Variants in TBC1D22A observed in about 807,000 individuals in gnomAD.
TBC1D22A encodes putative GTPase activator.
In TBC1D22A, 38 loss-of-function variants were observed where a neutral mutation model predicts 60.2. The observed-to-expected ratio is 0.63, with a 90% confidence interval of 0.49 to 0.83. The LOEUF (loss-of-function observed/expected upper bound fraction) is 0.83, where lower values mean the gene tolerates loss of function less well. Among genes scored for constraint, TBC1D22A ranks in the 40% least tolerant of loss-of-function variants. The pLI is 0.00. For synonymous variants in TBC1D22A, 302 were observed against 281.7 expected, an observed-to-expected ratio of 1.07 and a Z score of -0.72; for missense variants, 628 against 701.0, an observed-to-expected ratio of 0.90 and a Z score of 1.18.
At chr22:46,962,664 G>GCAGCATC (rs1364592817) in intron 8 of TBC1D22A, among the ~76,000 whole-genome samples, 1 of 152,178 alleles carries the variant, frequency 6.6e-6, no homozygotes, top group African/African-American at 2.4e-5. Flanking sequence ...AGATAATTAT[G>GCAGCATC]CAGCATCCTG....
At chr22:47,030,407 T>C (rs2148371512) in intron 10 of TBC1D22A, among the ~76,000 whole-genome samples, 1 of 152,354 alleles carries the variant, frequency 6.6e-6, no homozygotes, top group South Asian at 2.1e-4. Context: ...CACAATGTGC[T>C]TGCATAATTT....
At chr22:47,080,106 A>G (rs1424773731) in intron 11 of TBC1D22A, among the ~76,000 whole-genome samples, 1 of 152,206 alleles carries the variant, frequency 6.6e-6, no homozygotes, top group African/African-American at 2.4e-5. Context: ...ATGTGTTAAC[A>G]GGACTTCTAA....
At chr22:46,900,826 C>T (rs2068952941) in intron 7 of TBC1D22A, among the ~76,000 whole-genome samples, 1 of 152,098 alleles carries the variant, frequency 6.6e-6, no homozygotes, top group Non-Finnish European at 1.5e-5. Flanking sequence ...AATTTTTGCC[C>T]ATTACAAAAT....
At chr22:46,904,138 TCTATCTACCTACCTACCTACCTAC>T (rs913488912) in intron 7 of TBC1D22A, among the ~76,000 whole-genome samples, 5 of 55,262 alleles carry the variant, frequency 9.0e-5, no homozygotes, top group South Asian at 6.0e-4. Context: ...TATCTATCTA[TCTATCTACCTACCTACCTACCTAC>T]CTACCTACCT....
chr22:46,930,016 T>A (rs1436471548), intron 8 of TBC1D22A, among the ~76,000 whole-genome samples: 1 of 152,166 alleles, frequency 6.6e-6, no homozygotes. Context: ...AAGTCCCTGA[T>A]GTACTTTATG....
At chr22:46,792,686 A>G in intron 2 of TBC1D22A, 110 bp downstream of exon 2, 1 of 1,605,092 alleles carries the variant, frequency 6.2e-7, no homozygotes, top group South Asian at 1.1e-5. Context: ...CAGGGAGGAG[A>G]CTGGTTTCTC....
At position 46,875,149 on chromosome 22, in the gene TBC1D22A, C is replaced by T. The variant is rs142525889; in HGVS notation, c.638-3504C>T. Among the ~76,000 whole-genome samples, 23 of 152,274 alleles carry T rather than the reference C, an allele frequency of 1.5e-4. No individual in the cohort carries two copies. The East Asian group carries it at 4.1e-3, about 27-fold the overall frequency. Reference sequence around the variant, plus strand: ...CTATTTATGGTAAAAATCAGTGACACAGAAGTCTAAGAATGGGTGAATGTG... The same window carrying T: ...CTATTTATGGTAAAAATCAGTGACATAGAAGTCTAAGAATGGGTGAATGTG... On this transcript the variant is annotated intron_variant, in intron 4 of 12. Coordinates refer to ENST00000337137, the MANE Select transcript of TBC1D22A (RefSeq NM_014346.5).
chr22:46,908,877 C>G (rs762222350), intron 7 of TBC1D22A, among the ~76,000 whole-genome samples: 1 of 152,298 alleles, frequency 6.6e-6, no homozygotes, highest in Non-Finnish European at 1.5e-5. Context: ...TTCCATGTCT[C>G]TCCCGAGGCT....
At chr22:47,133,496 A>AT (rs1420102740) in intron 12 of TBC1D22A, among the ~76,000 whole-genome samples, 1 of 152,062 alleles carries the variant, frequency 6.6e-6, no homozygotes, top group East Asian at 1.9e-4. Context: ...GCTGGTTTTG[A>AT]TTTTCACTCC....
rs748151821 is a variant in TBC1D22A at position 46,842,480 on chromosome 22, C to T, written c.638-36173C>T. Among the ~76,000 whole-genome samples the T allele has an allele frequency of 4.6e-5, 7 of 152,334 alleles. No homozygotes were observed. In the East Asian group the frequency reaches 5.8e-4, roughly 13 times the overall value. ...GTCTCTGTCTGTCCATCCATCATTC[C>T]GTCTCTTCTTTTTGGATGCATCTCA... On this transcript the variant is annotated intron_variant, in intron 4 of 12. Coordinates refer to ENST00000337137, the MANE Select transcript of TBC1D22A (RefSeq NM_014346.5).
intron 12 of TBC1D22A, among the ~76,000 whole-genome samples, chr22:47,145,697 T>C (rs557781525): frequency 6.6e-6 from 1 of 152,362 alleles, no homozygotes; most frequent in African/African-American, 2.4e-5. Flanking sequence ...CATAGTTTGT[T>C]CTGATTTTTT....
chr22:47,096,348 C>T (rs1333461887), intron 11 of TBC1D22A, among the ~76,000 whole-genome samples: 2 of 152,146 alleles, frequency 1.3e-5, no homozygotes, highest in Non-Finnish European at 1.5e-5. Context: ...GATTTTTTCT[C>T]TTGTGGATTC....
intron 10 of TBC1D22A, among the ~76,000 whole-genome samples, chr22:47,003,957 G>A (rs367557386): frequency 0.027 from 2,011 of 74,640 alleles, 26 homozygotes; most frequent in Middle Eastern, 0.09. Flanking sequence ...CCCTACGCAC[G>A]CATGCCTGTA....
At chr22:47,145,611 G>C (rs189042198) in intron 12 of TBC1D22A, among the ~76,000 whole-genome samples, 4 of 152,358 alleles carry the variant, frequency 2.6e-5, no homozygotes, top group East Asian at 1.9e-4. Context: ...CTGGAGGCAT[G>C]CTAGGCAGTT....
At chr22:47,020,179 G>A (rs892680831) in intron 10 of TBC1D22A, among the ~76,000 whole-genome samples, 6 of 152,196 alleles carry the variant, frequency 3.9e-5, no homozygotes, top group Non-Finnish European at 8.8e-5. Context: ...CATTCTTATG[G>A]GAGGAACAGC....
intron 12 of TBC1D22A, among the ~76,000 whole-genome samples, chr22:47,125,151 T>C (rs759360062): frequency 2.6e-5 from 4 of 152,084 alleles, no homozygotes; most frequent in Admixed American, 6.5e-5. Context: ...CTCTGCCCCA[T>C]TGAGTCCCCG....
intron 12 of TBC1D22A, among the ~76,000 whole-genome samples, chr22:47,172,657 A>G (rs2068529697): frequency 6.6e-6 from 1 of 152,254 alleles, no homozygotes; most frequent in African/African-American, 2.4e-5. Context: ...ATTAATTTTT[A>G]AATCTCAGTC....
intron 11 of TBC1D22A, among the ~76,000 whole-genome samples, chr22:47,062,126 AGTC>A (rs2063602960): frequency 6.7e-6 from 1 of 149,522 alleles, no homozygotes; most frequent in Non-Finnish European, 1.5e-5. Context: ...TGACAATGTC[AGTC>A]CTCCGCCCCC....
At chr22:46,959,945 T>C (rs1040403113) in intron 8 of TBC1D22A, among the ~76,000 whole-genome samples, 1 of 152,212 alleles carries the variant, frequency 6.6e-6, no homozygotes, top group African/African-American at 2.4e-5. Flanking sequence ...AAAGTCTCCT[T>C]TAGCTTTGTC....
Sources: allele counts gnomAD v4.1 joint callset (sites outside exome capture counted in the v4.1 genomes callset), GRCh38; gene constraint gnomAD v4.1.1; transcripts MANE v1.5; gene names NCBI Gene and HGNC (gene_info 2026-07-23, HGNC 2026-07-21).